Variants in ADCY9 observed in about 807,000 individuals in gnomAD.
ADCY9 encodes the protein adenylate cyclase 9, also known as adenylate cyclase type 9.
In ADCY9, 50 loss-of-function variants were observed where a neutral mutation model predicts 101.5. The ratio of observed to expected loss-of-function variants is 0.49; its 90% CI spans 0.39 to 0.62. The LOEUF is 0.62. ADCY9 is among the 20% of genes least tolerant of loss of function. The pLI is 0.00. For synonymous variants in ADCY9, 905 were observed against 769.3 expected, an observed-to-expected ratio of 1.18 and a Z score of -2.92; for missense variants, 1,662 against 1,800.4, an observed-to-expected ratio of 0.92 and a Z score of 1.39.
intron 2 of ADCY9, among the ~76,000 whole-genome samples, chr16:4,106,885 G>A (rs889490090): frequency 1.3e-5 from 2 of 152,194 alleles, no homozygotes. Flanking sequence ...CAAAAATCTT[G>A]AAACTTCTTG....
At chr16:4,014,693 C>T (rs2056426245) in intron 2 of ADCY9, among the ~76,000 whole-genome samples, 1 of 152,100 alleles carries the variant, frequency 6.6e-6, no homozygotes, top group Non-Finnish European at 1.5e-5. Context: ...AATGATCCGC[C>T]TGCCTCTGTC....
chr16:4,013,438 T>A (rs1482858723), intron 2 of ADCY9, among the ~76,000 whole-genome samples: 2 of 149,856 alleles, frequency 1.3e-5, no homozygotes, highest in African/African-American at 2.5e-5. Context: ...GAAAAAAAAA[T>A]TAAAAGAAAA....
chr16:4,097,545 ATATATATATTTTTT>A (rs1363349516), intron 2 of ADCY9, among the ~76,000 whole-genome samples: 9 of 53,322 alleles, frequency 1.7e-4, no homozygotes, highest in African/African-American at 7.6e-4. Context: ...ATATATATAT[ATATATATATTTTTT>A]TTTTTTTTTT....
intron 2 of ADCY9, among the ~76,000 whole-genome samples, chr16:4,058,495 G>A (rs1226706255): frequency 2.0e-5 from 3 of 151,302 alleles, no homozygotes; most frequent in Non-Finnish European, 4.4e-5. Context: ...AAGAAGAATT[G>A]AAATTTGAAC....
chr16:3,961,120 C>T (rs886192226), downstream of ADCY9, among the ~76,000 whole-genome samples: 2 of 152,124 alleles, frequency 1.3e-5, no homozygotes. Flanking sequence ...TTTGAGAAAT[C>T]CTCTAAGTCA....
At chr16:4,047,507 G>A (rs937752311) in intron 2 of ADCY9, among the ~76,000 whole-genome samples, 1 of 142,852 alleles carries the variant, frequency 7.0e-6, no homozygotes, top group African/African-American at 3.1e-5. Flanking sequence ...GGGGGCAATT[G>A]GATTGACAAT....
Position 3,992,283 on chromosome 16 carries a change from A to T in ADCY9, c.2070T>A (p.Thr690=), listed in dbSNP as rs1257040664. 6.2e-7 allele frequency: 1 copy of T among 1,614,066 alleles called. No homozygotes were observed. The highest frequency in any genetic ancestry group is 8.5e-7 in the Non-Finnish European group (1 of 1,180,038). The change falls in exon 5 of 11, where the codon ACT becomes ACA. Residue 690 remains threonine (T), a synonymous_variant. Transcript: ENST00000294016. The surrounding 1 kb of genome is among the most constrained non-coding windows in gnomAD (Gnocchi z 4.2). The stretch of plus-strand genomic sequence containing the variant: ...TCTCCTGCAAGATCTCACACAGAGA[A>T]GTCTGACTGTTGGTGAGCTTCTCCT... ...PQEEKLTNSQ[T]SLCEILQEKG... is the part of the protein sequence containing the mutation.
chr16:4,061,429 G>A (rs1196635685), intron 2 of ADCY9, among the ~76,000 whole-genome samples: 1 of 152,044 alleles, frequency 6.6e-6, no homozygotes, highest in African/African-American at 2.4e-5. Flanking sequence ...CCAAACTGCT[G>A]GAAGCCAAAA....
chr16:3,994,549 G>A (rs1381284750), intron 3 of ADCY9, among the ~76,000 whole-genome samples: 1 of 152,146 alleles, frequency 6.6e-6, no homozygotes, highest in Non-Finnish European at 1.5e-5. Flanking sequence ...TCCACCTCCT[G>A]GGTTCAAGCG....
rs57326989 is a variant in ADCY9, at chr16:3,963,097, CATATATATAT to C, written c.*2668_*2677del. 350 of 122,074 alleles carry C rather than the reference CATATATATAT, an allele frequency of 2.9e-3. 3 individuals are homozygous for C. The highest frequency in any genetic ancestry group is 0.016 in the Middle Eastern group (4 of 250). 7.6% of individuals were successfully genotyped at this position (122,074 alleles called of 1,614,324 possible). On this transcript the variant is annotated 3_prime_UTR_variant, in exon 11 of 11. Coordinates refer to ENST00000294016, the MANE Select transcript of ADCY9 (RefSeq NM_001116.4). ...GATAAAATTGTGTGTGCTTGTTTAC[CATATATATAT>C]ATATATATATATATATATATATATA...
chr16:4,042,073 G>A lies in ADCY9; in HGVS notation c.1694-34515C>T, dbSNP rs545315059. Among the ~76,000 whole-genome samples, 268 of 152,030 alleles carry A rather than the reference G, an allele frequency of 1.8e-3. 1 individual carries two copies. Among genetic ancestry groups the A allele is most frequent in the Admixed American group, 2.6e-3 (40 of 15,250 alleles). On this transcript the variant is annotated intron_variant, in intron 2 of 10. Coordinates refer to ENST00000294016, the MANE Select transcript of ADCY9 (RefSeq NM_001116.4). ...TGAGTAGCTGGGACTACAGGCGTCCGCCACCACTCCTGGCTAATTTTTGTT... is the reference window on the plus strand; with the variant it reads ...TGAGTAGCTGGGACTACAGGCGTCCACCACCACTCCTGGCTAATTTTTGTT...
intron 3 of ADCY9, among the ~76,000 whole-genome samples, chr16:4,004,071 A>G (rs538088893): frequency 7.2e-4 from 110 of 151,742 alleles, no homozygotes; most frequent in African/African-American, 2.5e-3. Context: ...ATCCTGGGCA[A>G]TATAGCAAAA....
intron 2 of ADCY9, among the ~76,000 whole-genome samples, chr16:4,014,330 A>G (rs1447182407): frequency 6.6e-6 from 1 of 150,680 alleles, no homozygotes; most frequent in Non-Finnish European, 1.5e-5. Flanking sequence ...AAAAAGAAAA[A>G]AAAAAAAAAA....
chr16:4,000,770 G>GAT (rs1277897047), intron 3 of ADCY9, among the ~76,000 whole-genome samples: 2 of 152,022 alleles, frequency 1.3e-5, no homozygotes, highest in Non-Finnish European at 2.9e-5. Flanking sequence ...TGGTGATGGC[G>GAT]ATCCGAGTCA....
chr16:4,107,981 A>G (rs963002133), intron 2 of ADCY9, among the ~76,000 whole-genome samples: 2 of 152,288 alleles, frequency 1.3e-5, no homozygotes, highest in East Asian at 3.9e-4. Flanking sequence ...CTCCTCCCCA[A>G]GTTGCTCCAC....
At chr16:3,958,896 G>GA (rs1192501903), downstream of ADCY9, among the ~76,000 whole-genome samples, 3 of 151,490 alleles carry the variant, frequency 2.0e-5, no homozygotes, top group Non-Finnish European at 4.4e-5. Flanking sequence ...GGCTAGTCTT[G>GA]ACTCCTGACC....
chr16:4,037,457 T>C (rs2056597534), intron 2 of ADCY9, among the ~76,000 whole-genome samples: 2 of 152,176 alleles, frequency 1.3e-5, no homozygotes, highest in African/African-American at 4.8e-5. Flanking sequence ...TCTTTACCCA[T>C]CCATTCGATG....
intron 5 of ADCY9, 108 bp from the exon 6 acceptor site, chr16:3,989,204 C>T (rs1326865575): frequency 1.7e-5 from 13 of 782,304 alleles, no homozygotes; most frequent in Admixed American, 2.3e-5. Context: ...TATATTACAA[C>T]AGCTGCGTCT....
chr16:4,108,163 A>T (rs2057089742), intron 2 of ADCY9, among the ~76,000 whole-genome samples: 1 of 152,130 alleles, frequency 6.6e-6, no homozygotes, highest in Non-Finnish European at 1.5e-5. Flanking sequence ...ATGCCTGTAG[A>T]TATTTTCTAA....
Sources: allele counts gnomAD v4.1 joint callset (sites outside exome capture counted in the v4.1 genomes callset), GRCh38; gene constraint gnomAD v4.1.1; non-coding constraint Gnocchi (gnomAD v3.1); transcripts MANE v1.5; gene names NCBI Gene and HGNC (gene_info 2026-07-23, HGNC 2026-07-21).